SMAD6: variants seen among roughly 807,000 people sequenced by gnomAD.
SMAD6 encodes MAD homolog 6.
A neutral mutation model predicts 39.4 loss-of-function variants in SMAD6; 103 were observed. The observed-to-expected ratio is 2.62, with a 90% confidence interval of 2.23 to 3.08. SMAD6 has a LOEUF of 3.08. Ranked by LOEUF, SMAD6 falls within the 30% of genes most tolerant of loss-of-function variation. The probability of loss-of-function intolerance (pLI) is 0.00; values close to 1 mark genes in which losing one functional copy is unlikely to be tolerated. For missense variants in SMAD6, 1,104 were observed against 742.9 expected, an observed-to-expected ratio of 1.49 and a Z score of -5.65; for synonymous variants, 445 against 353.3, an observed-to-expected ratio of 1.26 and a Z score of -2.91.
chr15:66,765,085 T>C (rs764419132), intron 3 of SMAD6, among the ~76,000 whole-genome samples: 17 of 152,168 alleles, frequency 1.1e-4, no homozygotes, highest in Non-Finnish European at 1.6e-4. Context: ...CTGAAGATGC[T>C]TGAATGACTT....
intron 3 of SMAD6, among the ~76,000 whole-genome samples, chr15:66,757,169 T>C (rs1440375): frequency 0.47 from 71,586 of 151,962 alleles, 17,383 homozygotes; most frequent in East Asian, 0.69. Context: ...TAGAGCGGGC[T>C]GGTGTGAGAC....
At chr15:66,746,948 C>G (rs1381254489) in intron 3 of SMAD6, among the ~76,000 whole-genome samples, 1 of 152,110 alleles carries the variant, frequency 6.6e-6, no homozygotes, top group African/African-American at 2.4e-5. Flanking sequence ...TCCAGGGCTC[C>G]AAAGGGTTAA....
chr15:66,767,777 T>C (rs1348922981), intron 3 of SMAD6, among the ~76,000 whole-genome samples: 1 of 152,200 alleles, frequency 6.6e-6, no homozygotes, highest in Non-Finnish European at 1.5e-5. Context: ...ACAAGAATGA[T>C]CGAGGCAATC....
At chr15:66,734,807 T>G (rs983148825) in intron 3 of SMAD6, among the ~76,000 whole-genome samples, 2 of 152,256 alleles carry the variant, frequency 1.3e-5, no homozygotes, top group African/African-American at 4.8e-5. Flanking sequence ...GTGAATGTAC[T>G]TAATGCCACT....
chr15:66,706,415 G>A (rs1893111928), intron 1 of SMAD6: 1 of 152,328 alleles, frequency 6.6e-6, no homozygotes, highest in South Asian at 2.1e-4. Flanking sequence ...AGCCACCCTG[G>A]GGACAGCTGG....
intron 3 of SMAD6, among the ~76,000 whole-genome samples, chr15:66,755,921 A>C (rs1894089275): frequency 6.6e-6 from 1 of 152,016 alleles, no homozygotes; most frequent in African/African-American, 2.4e-5. Context: ...TTTGGCCCCC[A>C]CCACTGTATG....
intron 3 of SMAD6, among the ~76,000 whole-genome samples, chr15:66,751,993 T>C (rs1265002855): frequency 1.3e-5 from 2 of 151,872 alleles, no homozygotes; most frequent in Admixed American, 6.6e-5. Context: ...GTATGTTTTA[T>C]TATAGTTGCT....
At chr15:66,753,623 C>T (rs770276963) in intron 3 of SMAD6, among the ~76,000 whole-genome samples, 2 of 152,204 alleles carry the variant, frequency 1.3e-5, no homozygotes, top group Non-Finnish European at 2.9e-5. Flanking sequence ...CTTGTGGCTC[C>T]TCTAGCCTTC....
At chr15:66,707,355 A>G (rs1377909260) in intron 1 of SMAD6, 1 of 152,008 alleles carries the variant, frequency 6.6e-6, no homozygotes, top group Admixed American at 6.5e-5. Flanking sequence ...AGAGCGAGAG[A>G]GAGAGAACTT....
intron 3 of SMAD6, among the ~76,000 whole-genome samples, chr15:66,745,267 C>A (rs558122357): frequency 3.5e-4 from 54 of 152,260 alleles, no homozygotes; most frequent in African/African-American, 1.2e-3. Context: ...ATCCGGAGTT[C>A]TAGCTGAGCC....
At chr15:66,736,577 A>G (rs1169738167) in intron 3 of SMAD6, among the ~76,000 whole-genome samples, 1 of 152,062 alleles carries the variant, frequency 6.6e-6, no homozygotes, top group Non-Finnish European at 1.5e-5. Flanking sequence ...GATCATTCGG[A>G]CAGCTTTGAA....
At chr15:66,706,391 TG>T (rs1487633350) in intron 1 of SMAD6, 1 of 152,324 alleles carries the variant, frequency 6.6e-6, no homozygotes, top group Non-Finnish European at 1.5e-5. Context: ...TGCTAGCCTG[TG>T]GGGCCCCCAT....
At chr15:66,729,606 G>A (rs77768790) in intron 3 of SMAD6, among the ~76,000 whole-genome samples, 2,370 of 152,278 alleles carry the variant, frequency 0.016, 55 homozygotes, top group African/African-American at 0.049. Flanking sequence ...GCGAGGGGGC[G>A]CCGGGCCCCT....
At chr15:66,762,655 T>G (rs1339644602) in intron 3 of SMAD6, among the ~76,000 whole-genome samples, 1 of 151,920 alleles carries the variant, frequency 6.6e-6, no homozygotes, top group African/African-American at 2.4e-5. Context: ...TGTTTTAGAG[T>G]AAACGCCATG....
intron 3 of SMAD6, among the ~76,000 whole-genome samples, chr15:66,761,979 C>CGCTCAGAACTCAG: frequency 6.6e-6 from 1 of 152,178 alleles, no homozygotes; most frequent in Admixed American, 6.5e-5. Flanking sequence ...AAGGAAGTGA[C>CGCTCAGAACTCAG]GCTCAGAACT....
chr15:66,733,070 ACTC>A (rs1262112813), intron 3 of SMAD6, among the ~76,000 whole-genome samples: 1 of 151,406 alleles, frequency 6.6e-6, no homozygotes, highest in Non-Finnish European at 1.5e-5. Flanking sequence ...TGAAACGACT[ACTC>A]TTTTCTTTTT....
intron 1 of SMAD6, among the ~76,000 whole-genome samples, chr15:66,709,909 C>G (rs1893194392): frequency 6.6e-6 from 1 of 152,262 alleles, no homozygotes; most frequent in African/African-American, 2.4e-5. Context: ...CCCCTAGATC[C>G]TCTTTCTGCA....
intron 3 of SMAD6, among the ~76,000 whole-genome samples, chr15:66,736,338 G>T (rs1595778744): frequency 6.6e-6 from 1 of 152,328 alleles, no homozygotes; most frequent in East Asian, 1.9e-4. Flanking sequence ...AAAGTGATTT[G>T]CTGTTTATCA....
At chr15:66,735,176 GA>G (rs1424108303) in intron 3 of SMAD6, among the ~76,000 whole-genome samples, 2 of 152,250 alleles carry the variant, frequency 1.3e-5, no homozygotes, top group African/African-American at 2.4e-5. Context: ...GGTGGGACCT[GA>G]GGTGACCATG....
Sources: gnomAD v4.1 joint callset for allele counts (sites outside exome capture counted in the v4.1 genomes callset) on GRCh38, gnomAD v4.1.1 for gene constraint, MANE v1.5 for transcripts, NCBI Gene and HGNC (gene_info 2026-07-23, HGNC 2026-07-21) for gene names.